CTDSPL: variants seen among roughly 807,000 people sequenced by gnomAD.
CTDSPL encodes the protein CTD small phosphatase like.
In CTDSPL, 8 loss-of-function variants were observed where a neutral mutation model predicts 30.5. The ratio of observed to expected loss-of-function variants is 0.26; its 90% confidence interval spans 0.15 to 0.47. The LOEUF (loss-of-function observed/expected upper bound fraction) is 0.47. CTDSPL is among the 20% of genes least tolerant of loss of function. The probability of loss-of-function intolerance (pLI) is 0.99; values close to 1 mark genes in which losing one functional copy is unlikely to be tolerated. For synonymous variants in CTDSPL, 110 were observed against 137.9 expected, an observed-to-expected ratio of 0.80 and a Z score of 1.42; for missense variants, 248 against 366.1, an observed-to-expected ratio of 0.68 and a Z score of 2.63.
rs781723928 is a variant in CTDSPL, at chr3:37,884,910, TAA to T, written c.79+22633_79+22634del. 2.0e-5 allele frequency among the ~76,000 whole-genome samples: 3 copies of T among 152,120 alleles called. No individual in the cohort carries two copies. In the East Asian group the frequency reaches 5.8e-4, roughly 30 times the overall value. On this transcript the variant is annotated intron_variant, in intron 1 of 7. Coordinates refer to ENST00000273179, the MANE Select transcript of CTDSPL (RefSeq NM_001008392.2). ...AGAACAGGGGTCTTGAGGAAAGTGA[TAA>T]GAGTCTCCAATAGAACTGACAGCAG...
intron 1 of CTDSPL, among the ~76,000 whole-genome samples, chr3:37,913,459 A>G (rs1399128469): frequency 6.6e-6 from 1 of 152,190 alleles, no homozygotes; most frequent in African/African-American, 2.4e-5. Context: ...ATTTTGGACT[A>G]AAATCAGTAG....
intron 3 of CTDSPL, among the ~76,000 whole-genome samples, chr3:37,961,638 T>C (rs1429346312): frequency 1.3e-5 from 2 of 152,206 alleles, no homozygotes; most frequent in African/African-American, 2.4e-5. Flanking sequence ...GAAAACATTA[T>C]GAAGAACATA....
chr3:37,938,911 T>G (rs1698945718), intron 1 of CTDSPL, among the ~76,000 whole-genome samples: 1 of 149,918 alleles, frequency 6.7e-6, no homozygotes, highest in African/African-American at 2.4e-5. Context: ...ACCTGAGTCC[T>G]AAGGTTTGTT....
chr3:37,910,251 G>C (rs773867635), intron 1 of CTDSPL, among the ~76,000 whole-genome samples: 3 of 152,120 alleles, frequency 2.0e-5, no homozygotes, highest in African/African-American at 7.2e-5. Context: ...AAGCCAAGGC[G>C]GGTGGGTCAC....
At chr3:37,924,675 G>A (rs759472621) in intron 1 of CTDSPL, among the ~76,000 whole-genome samples, 1 of 152,176 alleles carries the variant, frequency 6.6e-6, no homozygotes, top group East Asian at 1.9e-4. Context: ...GCATCCTGCC[G>A]GAGAACTTTG....
intron 5 of CTDSPL, chr3:37,969,494 G>A (rs1486459866): frequency 8.4e-6 from 4 of 475,436 alleles, no homozygotes; most frequent in African/African-American, 4.0e-5. Context: ...CCTGGACGCC[G>A]GCATCCGGGC....
intron 3 of CTDSPL, among the ~76,000 whole-genome samples, chr3:37,957,491 G>T (rs192003194): frequency 2.5e-4 from 38 of 152,282 alleles, no homozygotes; most frequent in Non-Finnish European, 5.1e-4. Context: ...TCCATAGATT[G>T]GCGGGAACAT....
At chr3:37,930,795 T>C (rs1225688875) in intron 1 of CTDSPL, among the ~76,000 whole-genome samples, 1 of 152,256 alleles carries the variant, frequency 6.6e-6, no homozygotes, top group Non-Finnish European at 1.5e-5. Context: ...TTGACCATTG[T>C]TGAAATCTAC....
chr3:37,969,272 G>A (rs147052929), intron 5 of CTDSPL: 14 of 440,438 alleles, frequency 3.2e-5, no homozygotes, highest in Admixed American at 1.5e-4. Context: ...CATTCTTGCA[G>A]GAGCTCCCCC....
At chr3:37,916,776 A>G (rs1698654614) in intron 1 of CTDSPL, among the ~76,000 whole-genome samples, 1 of 152,178 alleles carries the variant, frequency 6.6e-6, no homozygotes, top group Non-Finnish European at 1.5e-5. Context: ...AAACTAATAC[A>G]GTGCTTTATA....
rs531603729 is a variant in CTDSPL at position 37,933,356 on chromosome 3, G to A, written c.80-13701G>A. 1.1e-4 allele frequency among the ~76,000 whole-genome samples: 17 copies of A among 152,160 alleles called. No homozygotes were observed. In the South Asian group the frequency reaches 3.5e-3, roughly 32 times the overall value. On this transcript the variant is annotated intron_variant, in intron 1 of 7. Transcript: ENST00000273179. ...TATTTTCCCGATTTCTCTCCCAGGG[G>A]ACAACCAGTTAGTTATAAATATTTC...
intron 1 of CTDSPL, among the ~76,000 whole-genome samples, chr3:37,908,456 ACT>A (rs1698542513): frequency 1.3e-5 from 2 of 152,038 alleles, no homozygotes; most frequent in African/African-American, 4.8e-5. Context: ...TGCTACGTAG[ACT>A]CTGTCATCAT....
chr3:37,897,810 A>G (rs950670177), intron 1 of CTDSPL, among the ~76,000 whole-genome samples: 1 of 152,170 alleles, frequency 6.6e-6, no homozygotes, highest in South Asian at 2.1e-4. Flanking sequence ...ACTTTTTGTG[A>G]GAAAAACAGA....
At chr3:37,870,933 C>A (rs1342124664) in intron 1 of CTDSPL, among the ~76,000 whole-genome samples, 2 of 152,186 alleles carry the variant, frequency 1.3e-5, no homozygotes, top group Non-Finnish European at 2.9e-5. Flanking sequence ...CCATTTATTA[C>A]AATTGATAAA....
chr3:37,980,610 A>T, intron 7 of CTDSPL, 132 bp from the exon 8 acceptor site: 2 of 1,236,404 alleles, frequency 1.6e-6, no homozygotes, highest in East Asian at 2.6e-5. Flanking sequence ...AAACAAAATC[A>T]TGATGATAAC....
chr3:37,959,866 A>G (rs1401968889), intron 3 of CTDSPL, among the ~76,000 whole-genome samples: 3 of 152,242 alleles, frequency 2.0e-5, no homozygotes, highest in Non-Finnish European at 2.9e-5. Flanking sequence ...ACCCTTACTG[A>G]AAATGATAAT....
chr3:37,891,589 T>C (rs1241332307), intron 1 of CTDSPL, among the ~76,000 whole-genome samples: 2 of 152,194 alleles, frequency 1.3e-5, no homozygotes, highest in African/African-American at 2.4e-5. Flanking sequence ...AAGGACCCAT[T>C]TGCACTTAAA....
chr3:37,862,387 C>A lies in CTDSPL; in HGVS notation c.79+109C>A. On this transcript the variant is annotated intron_variant, in intron 1 of 7. Transcript: ENST00000273179. This position sits in a 1 kb window ranked among gnomAD's most constrained non-coding sequence, Gnocchi z 4.3. The stretch of plus-strand genomic sequence containing the variant: ...GCCTGGGGGAGGGGTGCACAGGGCC[C>A]GGAGGGTGCGTGGGTGTGGGGTGCG... 1.1e-6 allele frequency: 1 copy of A among 911,834 alleles called. No homozygotes were observed. Among genetic ancestry groups the A allele is most frequent in the Non-Finnish European group, 1.5e-6 (1 of 687,282 alleles). The allele number at this position is 911,834 out of a possible 1,614,324, so 56.5% of individuals were successfully genotyped here.
At chr3:37,916,868 A>G (rs1046148346) in intron 1 of CTDSPL, among the ~76,000 whole-genome samples, 2 of 152,180 alleles carry the variant, frequency 1.3e-5, no homozygotes, top group Non-Finnish European at 2.9e-5. Context: ...AGGTGATGCT[A>G]TATGGGATCA....
Sources: allele counts gnomAD v4.1 joint callset (sites outside exome capture counted in the v4.1 genomes callset), GRCh38; gene constraint gnomAD v4.1.1; non-coding constraint Gnocchi (gnomAD v3.1); transcripts MANE v1.5; gene names NCBI Gene and HGNC (gene_info 2026-07-23, HGNC 2026-07-21).